ANKRD6: variants seen among roughly 807,000 people sequenced by gnomAD.
ANKRD6 encodes the protein ankyrin repeat domain-containing protein 6.
Under a neutral mutation model 82.3 loss-of-function variants are expected in ANKRD6, and 56 were observed. The ratio of observed to expected loss-of-function variants is 0.68; its 90% CI spans 0.55 to 0.85. The LOEUF is 0.85. Ranked by LOEUF, ANKRD6 falls within the 40% of genes least tolerant of loss-of-function variation. The pLI is 0.00. For synonymous variants in ANKRD6, 347 were observed against 352.1 expected, an observed-to-expected ratio of 0.99 and a Z score of 0.16; for missense variants, 852 against 907.6, an observed-to-expected ratio of 0.94 and a Z score of 0.79.
chr6:89,453,536 C>T (rs1773115473), intron 1 of ANKRD6, among the ~76,000 whole-genome samples: 2 of 151,970 alleles, frequency 1.3e-5, no homozygotes, highest in South Asian at 4.2e-4. Flanking sequence ...GGATCAGCTT[C>T]CAAGATTTTA....
At chr6:89,577,538 A>C (rs764660911) in intron 2 of ANKRD6, among the ~76,000 whole-genome samples, 5 of 152,210 alleles carry the variant, frequency 3.3e-5, no homozygotes, top group African/African-American at 4.8e-5. Context: ...CTTAGTGCCA[A>C]GCATTGGCCA....
intron 1 of ANKRD6, among the ~76,000 whole-genome samples, chr6:89,450,789 A>C (rs1428445689): frequency 6.6e-6 from 1 of 152,022 alleles, no homozygotes; most frequent in Non-Finnish European, 1.5e-5. Context: ...GGCGTGAGCC[A>C]CTGCACCTGG....
rs146897049 is a variant in ANKRD6, at chr6:89,578,482, G to A, written c.120+11386G>A. Among the ~76,000 whole-genome samples the A allele has an allele frequency of 3.6e-4, 54 of 152,090 alleles. 1 individual carries two copies. Among genetic ancestry groups the A allele is most frequent in the African/African-American group, 1.3e-3 (54 of 41,498 alleles). On this transcript the variant is annotated intron_variant, in intron 2 of 15. Transcript: ENST00000339746. ...GGCTAATTTTTGTATTTTTAGTAGA[G>A]ATGGGGTCTTGTCATGTTACCTAGG...
intron 1 of ANKRD6, among the ~76,000 whole-genome samples, chr6:89,543,447 TG>T (rs920558824): frequency 5.7e-4 from 87 of 152,284 alleles, no homozygotes; most frequent in Admixed American, 5.7e-3. Context: ...ACTTGTCCCC[TG>T]GACTCCATAA....
chr6:89,594,190 C>T (rs183194208), intron 2 of ANKRD6, among the ~76,000 whole-genome samples: 151 of 152,242 alleles, frequency 9.9e-4, no homozygotes, highest in African/African-American at 3.1e-3. Context: ...CAGTGGCTAA[C>T]GCCTGCAATC....
intron 1 of ANKRD6, among the ~76,000 whole-genome samples, chr6:89,489,998 A>T (rs992691539): frequency 6.6e-6 from 1 of 152,176 alleles, no homozygotes; most frequent in Admixed American, 6.5e-5. Flanking sequence ...GTTTTGTTTA[A>T]CAAATTTATT....
intron 2 of ANKRD6, among the ~76,000 whole-genome samples, chr6:89,595,230 G>T (rs1247550278): frequency 1.3e-5 from 2 of 152,186 alleles, no homozygotes; most frequent in African/African-American, 4.8e-5. Context: ...GGTGGTAGTG[G>T]TGTGCACCTG....
intron 1 of ANKRD6, among the ~76,000 whole-genome samples, chr6:89,477,483 C>A (rs1042656559): frequency 9.9e-5 from 15 of 151,500 alleles, no homozygotes; most frequent in African/African-American, 3.6e-4. Context: ...ATTAAGAATT[C>A]TTTTTTGGCT....
chr6:89,499,031 GT>G (rs1778965372), intron 1 of ANKRD6, among the ~76,000 whole-genome samples: 3 of 152,134 alleles, frequency 2.0e-5, no homozygotes, highest in Admixed American at 2.0e-4. Context: ...CCAGCCAGGA[GT>G]GGTTATGTGA....
chr6:89,477,146 G>A (rs908401209), intron 1 of ANKRD6, among the ~76,000 whole-genome samples: 1 of 151,916 alleles, frequency 6.6e-6, no homozygotes, highest in Non-Finnish European at 1.5e-5. Flanking sequence ...GGGTTTCACC[G>A]TATTAGCCAG....
At chr6:89,578,462 A>G (rs975184666) in intron 2 of ANKRD6, among the ~76,000 whole-genome samples, 2 of 151,752 alleles carry the variant, frequency 1.3e-5, no homozygotes, top group Non-Finnish European at 2.9e-5. Context: ...CACCTGGCTA[A>G]TTTTTGTATT....
At chr6:89,441,159 C>CT (rs1050724235) in intron 1 of ANKRD6, among the ~76,000 whole-genome samples, 8 of 151,420 alleles carry the variant, frequency 5.3e-5, no homozygotes, top group South Asian at 2.1e-4. Flanking sequence ...AATGTATCTT[C>CT]TTTTTTTTTG....
chr6:89,441,741 T>C (rs1437812938), intron 1 of ANKRD6, among the ~76,000 whole-genome samples: 1 of 148,402 alleles, frequency 6.7e-6, no homozygotes, highest in African/African-American at 2.5e-5. Flanking sequence ...TTAGCAGTTC[T>C]CCTGCCTCAG....
At chr6:89,464,410 A>G (rs1466180057) in intron 1 of ANKRD6, among the ~76,000 whole-genome samples, 1 of 152,222 alleles carries the variant, frequency 6.6e-6, no homozygotes, top group Non-Finnish European at 1.5e-5. Flanking sequence ...CTTCCAACTT[A>G]ATCATCCTTG....
At chr6:89,466,645 C>T (rs1223653035) in intron 1 of ANKRD6, among the ~76,000 whole-genome samples, 1 of 152,078 alleles carries the variant, frequency 6.6e-6, no homozygotes, top group African/African-American at 2.4e-5. Context: ...ATTTTTCTTT[C>T]AAAATCTTCA....
At chr6:89,568,580 C>T (rs1789060458) in intron 2 of ANKRD6, among the ~76,000 whole-genome samples, 1 of 152,022 alleles carries the variant, frequency 6.6e-6, no homozygotes, top group South Asian at 2.1e-4. Flanking sequence ...CAACCCTAAT[C>T]CCTAATGGTA....
intron 1 of ANKRD6, among the ~76,000 whole-genome samples, chr6:89,519,619 A>G (rs938346763): frequency 1.3e-5 from 2 of 152,234 alleles, no homozygotes; most frequent in Non-Finnish European, 2.9e-5. Context: ...GCAGTTGGCT[A>G]TTTGAATCAG....
chr6:89,462,026 G>A (rs1156945491), intron 1 of ANKRD6, among the ~76,000 whole-genome samples: 3 of 151,996 alleles, frequency 2.0e-5, no homozygotes, highest in African/African-American at 7.2e-5. Context: ...GAGTTCAGGG[G>A]TTCGAGACCA....
chr6:89,618,032 G>A lies in ANKRD6; in HGVS notation c.792+1G>A. 6.2e-7 allele frequency: 1 copy of A among 1,614,006 alleles called. No homozygotes were observed. Among genetic ancestry groups the A allele is most frequent in the Non-Finnish European group, 8.5e-7 (1 of 1,179,884 alleles). On this transcript the variant is annotated splice_donor_variant, in intron 9 of 15. Transcript: ENST00000339746. LOFTEE classifies it high-confidence loss of function. ...TCTTCTCCTTACTAAAGCTCCCCAG[G>A]TAGGATTTACTGCCCTTTCCATGGT... is the stretch of plus-strand genomic sequence containing the variant.
Sources: gnomAD v4.1 joint callset for allele counts (sites outside exome capture counted in the v4.1 genomes callset) on GRCh38, gnomAD v4.1.1 for gene constraint, MANE v1.5 for transcripts, NCBI Gene and HGNC (gene_info 2026-07-23, HGNC 2026-07-21) for gene names.